PTOV1: variants seen among roughly 807,000 people sequenced by gnomAD.
The protein encoded by PTOV1 is prostate tumor-overexpressed gene 1 protein.
In PTOV1, 20 loss-of-function variants were observed where a neutral mutation model predicts 58.0. That is an observed-to-expected ratio of 0.34 (90% CI 0.24 to 0.50). The LOEUF is 0.50. Ranked by LOEUF, PTOV1 falls within the 20% of genes least tolerant of loss-of-function variation. PTOV1 has a pLI of 0.98. For synonymous variants in PTOV1, 335 were observed against 234.2 expected, an observed-to-expected ratio of 1.43 and a Z score of -3.93; for missense variants, 593 against 565.4, an observed-to-expected ratio of 1.05 and a Z score of -0.50.
At chr19:49,850,949 C>T (rs1353970323), upstream of PTOV1, 3 of 1,535,784 alleles carry the variant, frequency 2.0e-6, no homozygotes, top group Middle Eastern at 1.7e-4. Context: ...TTCTGCCACC[C>T]CATTCGGTAG....
chr19:49,860,390 TG>T, exon 12 of PTOV1: 2 of 341,264 alleles, frequency 5.9e-6, no homozygotes, highest in South Asian at 2.5e-5. Context: ...GTGGGGGGGG[TG>T]GGGTTGGGAA....
At chr19:49,851,565 C>T in intron 1 of PTOV1, 66 bp downstream of exon 1, 2 of 1,030,908 alleles carry the variant, frequency 1.9e-6, no homozygotes, top group Admixed American at 4.8e-5. Flanking sequence ...ATCCCGGGCT[C>T]ACGCCTTTGT....
At chr19:49,850,979 G>GCCC (rs1448419250), upstream of PTOV1, 1 of 1,534,996 alleles carries the variant, frequency 6.5e-7, no homozygotes, top group Non-Finnish European at 8.7e-7. Context: ...TTCCCGCCAC[G>GCCC]CCCCCTGAAG....
At chr19:49,851,262 G>A (rs2074231918) in exon 1 of PTOV1, 3 of 1,104,242 alleles carry the variant, frequency 2.7e-6, no homozygotes. Flanking sequence ...GCGCCCCTCA[G>A]TCGGTGGAGC....
exon 1 of PTOV1, chr19:49,851,191 G>A (rs888241890): frequency 7.4e-6 from 9 of 1,216,786 alleles, no homozygotes; most frequent in Non-Finnish European, 8.2e-6. Context: ...CACTCCGGCG[G>A]CGCGTCCCCC....
intron 1 of PTOV1, 27 bp downstream of exon 1, chr19:49,851,526 C>T (rs1160336020): frequency 8.9e-7 from 1 of 1,128,042 alleles, no homozygotes; most frequent in East Asian, 3.7e-5. Flanking sequence ...TTTTCCAGAG[C>T]CTTCCACGGC....
At chr19:49,858,148 C>A in intron 9 of PTOV1, 34 bp downstream of exon 9, 2 of 1,606,742 alleles carry the variant, frequency 1.2e-6, no homozygotes, top group Non-Finnish European at 1.7e-6. Context: ...GGAGCCTGCA[C>A]GCAGTAGCTC....
intron 6 of PTOV1, 58 bp from the exon 7 acceptor site, chr19:49,857,635 G>C: frequency 6.6e-7 from 1 of 1,517,762 alleles, no homozygotes; most frequent in Non-Finnish European, 9.1e-7. Context: ...CCCCAGGACA[G>C]ACAGACAGGT....
exon 12 of PTOV1, chr19:49,860,455 G>A (rs2074706827): frequency 5.2e-6 from 5 of 969,796 alleles, no homozygotes; most frequent in Middle Eastern, 3.3e-4. Context: ...AGAGGCAGCA[G>A]TCCCAGCGGT....
intron 1 of PTOV1, chr19:49,851,737 C>T: frequency 1.8e-6 from 2 of 1,116,192 alleles, no homozygotes; most frequent in Non-Finnish European, 1.1e-6. Context: ...GGGGCGGGCT[C>T]ATATTACTGC....
rs753911767 is a variant in PTOV1 at position 49,858,662 on chromosome 19, T to G, written c.1041+9T>G. ...TCATGGACAATGGCTTCGTGAGTGG[T>G]GCCAGCAGACGCAGGGGAGGGGCCG... On this transcript the variant is annotated intron_variant, in intron 10 of 11. Transcript: ENST00000391842. 1.3e-6 allele frequency: 2 copies of G among 1,584,754 alleles called. No homozygotes were observed. Among genetic ancestry groups the G allele is most frequent in the Non-Finnish European group, 1.7e-6 (2 of 1,164,410 alleles).
exon 12 of PTOV1, chr19:49,860,677 TC>T (rs2074718773): frequency 5.2e-6 from 2 of 385,458 alleles, no homozygotes; most frequent in African/African-American, 4.1e-5. Context: ...GAGGATGGTG[TC>T]CTGAGGCCTC....
Position 49,855,190 on chromosome 19 carries a change from G to T in PTOV1, c.558+113G>T. The stretch of plus-strand genomic sequence containing the variant: ...GGGGTCTCCCCTGGGGCCGAGGGTA[G>T]CCCTCGTGGCCTCTCGGACCCCATC... On this transcript the variant is annotated intron_variant, in intron 5 of 11. Transcript: ENST00000391842. 5 of 1,012,364 alleles carry T rather than the reference G, an allele frequency of 4.9e-6. No individual in the cohort carries two copies. In the South Asian group the frequency reaches 7.1e-5, roughly 14 times the overall value. 62.7% of individuals were successfully genotyped at this position (1,012,364 alleles called of 1,614,324 possible). A position where few individuals can be genotyped will look rare whatever the true frequency, so the allele number is the denominator to read the frequency against.
intron 9 of PTOV1, chr19:49,858,343 G>A: frequency 1.4e-6 from 1 of 690,778 alleles, no homozygotes. Context: ...GCCACGACCT[G>A]CACCTGGGGG....
chr19:49,856,679 G>A (rs971781882), intron 5 of PTOV1: 33 of 408,886 alleles, frequency 8.1e-5, no homozygotes, highest in African/African-American at 4.5e-4. Flanking sequence ...CCATCAGGCA[G>A]TCAGGAGGGC....
intron 6 of PTOV1, 139 bp downstream of exon 6, chr19:49,857,269 CG>C (rs1193012597): frequency 3.2e-6 from 4 of 1,253,936 alleles, no homozygotes; most frequent in African/African-American, 3.0e-5. Flanking sequence ...CGGAGGATGC[CG>C]GGCGGGTTCC....
At chr19:49,851,050 G>A (rs745705938), upstream of PTOV1, 37 of 1,502,616 alleles carry the variant, frequency 2.5e-5, no homozygotes, top group African/African-American at 2.3e-4. Context: ...GGACCGCCGA[G>A]CCCACACTCC....
Position 49,860,260 on chromosome 19 carries a change from C to T in PTOV1, c.1240-8C>T, listed in dbSNP as rs201368485. ...TGCTCACCACTGGCCTCTGATTTCT[C>T]GCCGTAGATGGGGGGGTAGTGGTTA... On this transcript the variant is annotated splice_region_variant and splice_polypyrimidine_tract_variant and intron_variant, in intron 11 of 11. Transcript: ENST00000391842. The T allele has an allele frequency of 3.5e-4, 570 of 1,613,688 alleles. 1 individual carries two copies. The African/African-American group carries it at 5.2e-3, about 15-fold the overall frequency.
Position 49,858,768 on chromosome 19 carries a change from G to A in PTOV1, c.1041+115G>A, listed in dbSNP as rs1042598543. On this transcript the variant is annotated intron_variant, in intron 10 of 11. Transcript: ENST00000391842. ...AGCACCATGTCCCAGACCAGCTGGG[G>A]AGAGAGGGTGGCTAGTGTGGGCGTG... 8 of 891,708 alleles carry A rather than the reference G, an allele frequency of 9.0e-6. 1 individual carries two copies. The highest frequency in any genetic ancestry group is 6.4e-5 in the Admixed American group (3 of 46,756). The allele number at this position is 891,708 out of a possible 1,614,324, so 55.2% of individuals were successfully genotyped here.
Sources: allele counts gnomAD v4.1 joint callset, GRCh38; gene constraint gnomAD v4.1.1; transcripts MANE v1.5; gene names NCBI Gene and HGNC (gene_info 2026-07-23, HGNC 2026-07-21).